Variants in BRD4 observed in about 807,000 individuals in gnomAD.
BRD4 encodes the protein bromodomain-containing protein 4.
Under a neutral mutation model 142.1 loss-of-function variants are expected in BRD4, and 16 were observed. The observed-to-expected ratio is 0.11, with a 90% CI of 0.08 to 0.17. BRD4 has a LOEUF of 0.17. Ranked by LOEUF, BRD4 falls within the 10% of genes least tolerant of loss-of-function variation. BRD4 has a pLI of 1.00. For missense variants in BRD4, 1,424 were observed against 1,810.9 expected (o/e 0.79, Z 3.88); for synonymous variants, 833 against 707.5 (o/e 1.18, Z -2.82).
rs913139741 is a variant in BRD4, at chr19:15,237,248, G to GC, written c.*1128_*1129insG. 2 of 115,554 alleles carry GC rather than the reference G, an allele frequency of 1.7e-5. No homozygotes were observed. Among genetic ancestry groups the GC allele is most frequent in the African/African-American group, 3.9e-5 (1 of 25,782 alleles). The allele number at this position is 115,554 out of a possible 1,614,324, so 7.2% of individuals were successfully genotyped here. A position where few individuals can be genotyped will look rare whatever the true frequency, so the allele number is the denominator to read the frequency against. ...AACAAAAAAGCCAACAAATGGGTGG[G>GC]GGGGGGGGGGGTGGAGGGGAAAGAA... On this transcript the variant is annotated 3_prime_UTR_variant, in exon 20 of 20. Transcript: ENST00000679869.
rs549457590 is a variant in BRD4 at position 15,238,574 on chromosome 19, C to T, written c.4021-129G>A. On this transcript the variant is annotated intron_variant, in intron 19 of 19. Transcript: ENST00000679869. This position sits in a 1 kb window ranked among gnomAD's most constrained non-coding sequence, Gnocchi z 7.2. ...GGCTGACCCCTCATAGCGCTCACCCCGTCCACACAGCACTCAGGGCCCTAC... is the reference window on the plus strand; with the variant it reads ...GGCTGACCCCTCATAGCGCTCACCCTGTCCACACAGCACTCAGGGCCCTAC... The T allele has an allele frequency of 4.6e-5, 70 of 1,528,208 alleles. No homozygotes were observed. In the African/African-American group the frequency reaches 6.1e-4, roughly 13 times the overall value. 94.7% of individuals were successfully genotyped at this position (1,528,208 alleles called of 1,614,324 possible).
chr19:15,313,954 G>A (rs945246844), intron 1 of BRD4, among the ~76,000 whole-genome samples: 4 of 152,282 alleles, frequency 2.6e-5, no homozygotes, highest in Admixed American at 2.0e-4. Context: ...ATGAGGGAGA[G>A]GGAAGATTAC....
At chr19:15,312,297 A>C (rs2145713523) in intron 1 of BRD4, among the ~76,000 whole-genome samples, 1 of 152,284 alleles carries the variant, frequency 6.6e-6, no homozygotes, top group East Asian at 1.9e-4. Flanking sequence ...CAGGAGTTCA[A>C]GGCCAGCCTG....
chr19:15,261,785 C>T (rs1040027380), intron 7 of BRD4, among the ~76,000 whole-genome samples: 10 of 152,092 alleles, frequency 6.6e-5, no homozygotes, highest in African/African-American at 2.4e-4. Flanking sequence ...TACCAAAATA[C>T]AAAAATTAGC....
chr19:15,263,222 C>T (rs2047493207), intron 7 of BRD4, among the ~76,000 whole-genome samples, 198 bp downstream of exon 7: 1 of 152,340 alleles, frequency 6.6e-6, no homozygotes, highest in South Asian at 2.1e-4. Context: ...TGCAGTGGAA[C>T]ACCCACTCTG....
Position 15,292,887 on chromosome 19 carries a change from G to A in BRD4, c.-34-19754C>T, listed in dbSNP as rs117599719. 3.5e-3 allele frequency among the ~76,000 whole-genome samples: 534 copies of A among 151,104 alleles called. 1 individual carries two copies. The highest frequency in any genetic ancestry group is 4.5e-3 in the Non-Finnish European group (307 of 67,834). ...GTCTAGTTTTAGGTCTCACAATTTC[G>A]GATGTGAAAGGATTGCAGCAACAGA... On this transcript the variant is annotated intron_variant, in intron 1 of 19. Transcript: ENST00000679869.
chr19:15,324,846 T>A (rs2048093910), intron 1 of BRD4, among the ~76,000 whole-genome samples: 1 of 152,150 alleles, frequency 6.6e-6, no homozygotes, highest in Non-Finnish European at 1.5e-5. Flanking sequence ...GCACCTCCAC[T>A]AATCCCATTA....
At chr19:15,322,301 T>C (rs1482436879) in intron 1 of BRD4, among the ~76,000 whole-genome samples, 3 of 152,112 alleles carry the variant, frequency 2.0e-5, no homozygotes, top group African/African-American at 7.2e-5. Context: ...AGATGGAGTC[T>C]CGCTCTGTCG....
At chr19:15,315,069 T>G (rs931031472) in intron 1 of BRD4, among the ~76,000 whole-genome samples, 4 of 152,178 alleles carry the variant, frequency 2.6e-5, no homozygotes, top group African/African-American at 9.7e-5. Flanking sequence ...TATTCTATTT[T>G]GATTGTGTAC....
chr19:15,323,007 A>C (rs942609245), intron 1 of BRD4, among the ~76,000 whole-genome samples: 2 of 151,558 alleles, frequency 1.3e-5, no homozygotes, highest in African/African-American at 2.4e-5. Flanking sequence ...CTGAAATCAT[A>C]CCACTGCACT....
chr19:15,240,816 G>A (rs2047232561), intron 14 of BRD4, among the ~76,000 whole-genome samples: 1 of 152,134 alleles, frequency 6.6e-6, no homozygotes, highest in African/African-American at 2.4e-5. Flanking sequence ...GCAGGCAAGG[G>A]GCCTCACCGC....
Position 15,244,743 on chromosome 19 carries a change from T to G in BRD4, c.2178A>C (p.Lys726Asn). The change falls in exon 12 of 20, where the codon AAA (lysine) becomes AAC (asparagine). Residue 726 changes from lysine to asparagine, a missense_variant. Lys to Asn is a moderately conservative substitution (Grantham distance 94). Around this residue, in one of 16 missense-constraint regions of BRD4, gnomAD observed 598 missense variants for 647.8 expected, o/e 0.92. Transcript: ENST00000679869. ...DSETEMAPKS[K>N]KKGHPGREQK... ...GCTCCCTCCCGGGGTGCCCCTTCTT[T>G]TTTGACTTCGGAGCCATCTCTGCAG... The G allele has an allele frequency of 1.2e-6, 2 of 1,614,082 alleles. No homozygotes were observed. Among genetic ancestry groups the G allele is most frequent in the Non-Finnish European group, 1.7e-6 (2 of 1,180,020 alleles).
chr19:15,325,307 T>C (rs184968257), intron 1 of BRD4, among the ~76,000 whole-genome samples: 8 of 152,306 alleles, frequency 5.3e-5, no homozygotes, highest in Non-Finnish European at 8.8e-5. Context: ...TATCAGTCTT[T>C]GGAGCAAGGC....
chr19:15,326,318 T>C lies in BRD4; in HGVS notation c.-35+5972A>G, dbSNP rs530249443. 2.0e-5 allele frequency among the ~76,000 whole-genome samples: 3 copies of C among 151,646 alleles called. No individual in the cohort carries two copies. The South Asian group carries it at 6.3e-4, about 32-fold the overall frequency. On this transcript the variant is annotated intron_variant, in intron 1 of 19. Transcript: ENST00000679869. ...TCTCTATTAAAACTACAAGAAATTA[T>C]CCAGGTGTGGCAGCATGGGGCGCCT...
rs187907043 is a variant in BRD4 at position 15,239,768 on chromosome 19, C to T, written c.3336G>A (p.Glu1112=). 9.6e-5 allele frequency: 155 copies of T among 1,611,576 alleles called. No homozygotes were observed. In the African/African-American group the frequency reaches 1.7e-3, roughly 18 times the overall value. ...GGATGATGGGTGAGTGGATCTTCTC[C>T]TCCTTCACCACCACGAGGGGCTGGG... is the stretch of plus-strand genomic sequence containing the variant. ...VQPQPLVVVK[E]EKIHSPIIRS... The change falls in exon 16 of 20, where the codon GAG becomes GAA. Residue 1112 remains glutamate (E), a synonymous_variant. Transcript: ENST00000679869. The surrounding 1 kb of genome is among the most constrained non-coding windows in gnomAD (Gnocchi z 7.4).
In BRD4 at chr19:15,315,601, T is replaced by A. The variant is rs946303560; in HGVS notation, c.-35+16689A>T. On this transcript the variant is annotated intron_variant, in intron 1 of 19. Transcript: ENST00000679869. ...CGGGCATGGTGGCTCACGCCTGTAA[T>A]CCCAGCATGTTGGGAGGACCAGGCA... is the stretch of plus-strand genomic sequence containing the variant. Among the ~76,000 whole-genome samples the A allele has an allele frequency of 3.3e-5, 5 of 152,264 alleles. No individual in the cohort carries two copies. The East Asian group carries it at 9.7e-4, about 29-fold the overall frequency.
chr19:15,244,265 G>A lies in BRD4; in HGVS notation c.2547C>T (p.Pro849=). ...LPQPPEHSTP[P]HLNQHAVVSP... is the part of the protein sequence containing the mutation. The stretch of plus-strand genomic sequence containing the variant: ...AGACCACTGCGTGCTGGTTGAGATG[G>A]GGTGGAGTGCTGTGCTCAGGCGGCT... The change falls in exon 13 of 20, where the codon CCC becomes CCT. Residue 849 remains proline (P), a synonymous_variant. Coordinates refer to ENST00000679869, the MANE Select transcript of BRD4 (RefSeq NM_001379291.1). 1 of 1,584,336 alleles carries A rather than the reference G, an allele frequency of 6.3e-7. No homozygotes were observed. Among genetic ancestry groups the A allele is most frequent in the Non-Finnish European group, 8.6e-7 (1 of 1,167,646 alleles).
Position 15,255,542 on chromosome 19 carries a change from G to A in BRD4, c.1802C>T (p.Ser601Leu), listed in dbSNP as rs200484332. Reference protein sequence around the residue: ...MKSKPPPTYESEEEDKCKPMS... With the variant: ...MKSKPPPTYELEEEDKCKPMS... ...AGGCTTGCACTTGTCCTCTTCCTCC[G>A]ACTCATACGTGGGAGGGGGCTTGCT... Residue 601 changes from serine (S) to leucine (L), a missense_variant, in exon 10 of 20, where the codon TCG (serine) becomes TTG (leucine). By Grantham distance (145) the Ser-to-Leu change is moderately radical (BLOSUM62 -2). Around this residue, in one of 16 missense-constraint regions of BRD4, gnomAD observed 86 missense variants for 78.9 expected, o/e 1.09. Coordinates refer to ENST00000679869, the MANE Select transcript of BRD4 (RefSeq NM_001379291.1). 15 of 1,612,032 alleles carry A rather than the reference G, an allele frequency of 9.3e-6. No individual in the cohort carries two copies. Among genetic ancestry groups the A allele is most frequent in the African/African-American group, 5.3e-5 (4 of 74,876 alleles).
intron 1 of BRD4, among the ~76,000 whole-genome samples, chr19:15,314,994 A>C (rs978717713): frequency 6.6e-6 from 1 of 152,216 alleles, no homozygotes; most frequent in Non-Finnish European, 1.5e-5. Context: ...GCTACATGAC[A>C]GGAGTGTAGG....
Sources: allele counts gnomAD v4.1 joint callset (sites outside exome capture counted in the v4.1 genomes callset), GRCh38; gene constraint gnomAD v4.1.1; regional missense constraint gnomAD v4.1.1; non-coding constraint Gnocchi (gnomAD v3.1); transcripts MANE v1.5; gene names NCBI Gene and HGNC (gene_info 2026-07-23, HGNC 2026-07-21).